The following PDE1C variants were observed in gnomAD, a reference collection of about 807,000 sequenced individuals.
The protein encoded by PDE1C is phosphodiesterase 1C.
PDE1C carries 62 observed loss-of-function variants against 93.1 expected under a neutral mutation model. That is an observed-to-expected ratio of 0.67 (90% CI 0.54 to 0.82). The LOEUF (loss-of-function observed/expected upper bound fraction) is 0.82, where lower values mean the gene tolerates loss of function less well. Ranked by LOEUF, PDE1C falls within the 40% of genes least tolerant of loss-of-function variation. The pLI is 0.00. For synonymous variants in PDE1C, 325 were observed against 310.1 expected, an observed-to-expected ratio of 1.05 and a Z score of -0.50; for missense variants, 742 against 884.6, an observed-to-expected ratio of 0.84 and a Z score of 2.04.
At chr7:32,257,260 T>G (rs1186297761) in intron 1 of PDE1C, among the ~76,000 whole-genome samples, 1 of 152,246 alleles carries the variant, frequency 6.6e-6, no homozygotes, top group African/African-American at 2.4e-5. Context: ...TGGCAACTTC[T>G]GTGGTGCTGC....
the PDE1C span, among the ~76,000 whole-genome samples, chr7:31,619,774 G>A: frequency 5.9e-5 from 9 of 152,084 alleles, no homozygotes; most frequent in East Asian, 2.0e-4. Context: ...TGGGTGCAGC[G>A]CACCATGCAC....
chr7:32,300,098 C>G (rs1003741176), upstream of PDE1C, among the ~76,000 whole-genome samples: 3 of 151,480 alleles, frequency 2.0e-5, no homozygotes, highest in Non-Finnish European at 2.9e-5. Context: ...AACCTTGTCC[C>G]AAAAAAAACA....
the PDE1C span, among the ~76,000 whole-genome samples, chr7:31,660,096 T>C: frequency 3.9e-5 from 6 of 152,182 alleles, no homozygotes; most frequent in African/African-American, 1.4e-4. Context: ...GAAGGACATG[T>C]TTGCTTCACC....
the PDE1C span, among the ~76,000 whole-genome samples, chr7:31,640,201 A>G: frequency 6.6e-6 from 1 of 152,136 alleles, no homozygotes; most frequent in Non-Finnish European, 1.5e-5. Context: ...TCTACCCCTC[A>G]ATGTCCTGTG....
chr7:31,792,118 G>C (rs866483594), intron 16 of PDE1C, among the ~76,000 whole-genome samples: 6 of 152,090 alleles, frequency 3.9e-5, no homozygotes, highest in Non-Finnish European at 5.9e-5. Context: ...GTGATGACCT[G>C]AGTCATCATC....
intron 2 of PDE1C, among the ~76,000 whole-genome samples, chr7:31,944,165 A>G (rs1806252313): frequency 6.6e-6 from 1 of 152,098 alleles, no homozygotes; most frequent in Non-Finnish European, 1.5e-5. Context: ...TCAAATCCCC[A>G]GCACAAGACA....
the PDE1C span, chr7:31,652,672 C>T: frequency 6.2e-7 from 1 of 1,613,922 alleles, no homozygotes; most frequent in Admixed American, 1.7e-5. Context: ...GGCCAGGAGG[C>T]TCCCTGTTCA....
intron 1 of PDE1C, among the ~76,000 whole-genome samples, chr7:32,058,997 C>T (rs867518032): frequency 2.7e-5 from 4 of 150,602 alleles, no homozygotes; most frequent in Middle Eastern, 6.9e-3. Flanking sequence ...TTACCTTGAA[C>T]AGCCCAATCA....
chr7:32,267,561 T>TTCTCTCTC lies in PDE1C; in HGVS notation c.85+31082_85+31089dup, dbSNP rs763148981. Among the ~76,000 whole-genome samples the TTCTCTCTC allele has an allele frequency of 8.0e-4, 105 of 131,900 alleles. 1 individual carries two copies. Among genetic ancestry groups the TTCTCTCTC allele is most frequent in the African/African-American group, 3.0e-3 (101 of 33,672 alleles). 86.5% of individuals were successfully genotyped at this position (131,900 alleles called of 152,430 possible). A position where few individuals can be genotyped will look rare whatever the true frequency, so the allele number is the denominator to read the frequency against. On this transcript the variant is annotated intron_variant, in intron 1 of 18. Transcript: ENST00000396193. Reference sequence around the variant, plus strand: ...TCAAACTACAGAAAATGCAGCCTCTTTCTCTCTCTCTCACACACACACACA... The same window carrying TTCTCTCTC: ...TCAAACTACAGAAAATGCAGCCTCTTTCTCTCTCTCTCTCTCTCTCACACACACACACA...
chr7:31,758,500 T>C (rs1389571463), intron 17 of PDE1C, among the ~76,000 whole-genome samples: 4 of 152,142 alleles, frequency 2.6e-5, no homozygotes, highest in Non-Finnish European at 5.9e-5. Context: ...GCTTCCATTC[T>C]AATAAGATCC....
intron 8 of PDE1C, among the ~76,000 whole-genome samples, chr7:31,850,238 T>C (rs186331101): frequency 1.4e-4 from 22 of 152,130 alleles, no homozygotes; most frequent in African/African-American, 4.6e-4. Flanking sequence ...GAGGGTAAGA[T>C]TGGTCAATGT....
chr7:32,207,015 C>T (rs1412872412), intron 2 of PDE1C, among the ~76,000 whole-genome samples: 1 of 152,144 alleles, frequency 6.6e-6, no homozygotes, highest in African/African-American at 2.4e-5. Flanking sequence ...ACTGTATGTG[C>T]CCACAGTTGC....
At chr7:32,415,734 T>C (rs1785263693) in intron 1 of PDE1C, among the ~76,000 whole-genome samples, 1 of 152,074 alleles carries the variant, frequency 6.6e-6, no homozygotes, top group Non-Finnish European at 1.5e-5. Context: ...CGCTACGTCC[T>C]TTCCTTCTCC....
In PDE1C at chr7:32,298,549, C is replaced by G. The variant is rs1158369871; in HGVS notation, c.85+102G>C. ...CGGAGAGCACCCTCCGGCCCCAGCC[C>G]GACCCCTGAGCTCCCCCTGCCCGCT... On this transcript the variant is annotated intron_variant, in intron 1 of 18. Transcript: ENST00000396193. The G allele has an allele frequency of 2.7e-5, 38 of 1,403,056 alleles. No individual in the cohort carries two copies. In the South Asian group the frequency reaches 4.3e-4, roughly 16 times the overall value. The allele number at this position is 1,403,056 out of a possible 1,614,324, so 86.9% of individuals were successfully genotyped here.
the PDE1C span, among the ~76,000 whole-genome samples, chr7:31,665,581 A>G: frequency 6.6e-6 from 1 of 152,220 alleles, no homozygotes; most frequent in African/African-American, 2.4e-5. Flanking sequence ...AGGCAGTTTA[A>G]TCCAACAAGG....
intron 2 of PDE1C, among the ~76,000 whole-genome samples, chr7:32,206,391 T>G (rs537320863): frequency 1.3e-5 from 2 of 152,224 alleles, no homozygotes; most frequent in Non-Finnish European, 2.9e-5. Flanking sequence ...GACTGTCTAA[T>G]AGAGACCGAC....
At chr7:31,901,793 AT>A (rs1447096926) in intron 2 of PDE1C, among the ~76,000 whole-genome samples, 1 of 151,682 alleles carries the variant, frequency 6.6e-6, no homozygotes, top group Non-Finnish European at 1.5e-5. Flanking sequence ...AATAAATAGA[AT>A]TTCCAGGAAA....
intron 2 of PDE1C, among the ~76,000 whole-genome samples, chr7:31,978,178 A>T (rs1811912673): frequency 6.6e-6 from 1 of 152,142 alleles, no homozygotes; most frequent in African/African-American, 2.4e-5. Context: ...TTCAACATAG[A>T]TTTCGGCAGA....
At chr7:32,032,003 C>T (rs1177023595) in intron 2 of PDE1C, among the ~76,000 whole-genome samples, 1 of 151,842 alleles carries the variant, frequency 6.6e-6, no homozygotes, top group East Asian at 1.9e-4. Flanking sequence ...TGACTTTGTG[C>T]ACAACCCTTT....
Sources: allele counts gnomAD v4.1 joint callset (sites outside exome capture counted in the v4.1 genomes callset), GRCh38; gene constraint gnomAD v4.1.1; transcripts MANE v1.5; gene names NCBI Gene and HGNC (gene_info 2026-07-23, HGNC 2026-07-21).